The following DHRSX variants were observed in gnomAD, a reference collection of about 807,000 sequenced individuals.
DHRSX encodes dehydrogenase/reductase X-linked.
In DHRSX, 31 loss-of-function variants were observed where a neutral mutation model predicts 34.0. The observed-to-expected ratio is 0.91, with a 90% CI of 0.69 to 1.23. The LOEUF is 1.23. Among genes scored for constraint, DHRSX ranks in the 50% most tolerant of loss-of-function variants. DHRSX has a pLI of 0.00. For missense variants in DHRSX, 414 were observed against 428.1 expected, an observed-to-expected ratio of 0.97 and a Z score of 0.29; for synonymous variants, 201 against 183.8, an observed-to-expected ratio of 1.09 and a Z score of -0.76.
chrX:2,351,308 ATG>A (rs1421954700), intron 3 of DHRSX, among the ~76,000 whole-genome samples: 6 of 152,230 alleles, frequency 3.9e-5, no homozygotes, highest in African/African-American at 1.4e-4. Flanking sequence ...AACATTCAAA[ATG>A]AGACTGGCCA....
chrX:2,226,656 C>A (rs1338658850), intron 6 of DHRSX, among the ~76,000 whole-genome samples: 2 of 149,726 alleles, frequency 1.3e-5, no homozygotes, highest in Non-Finnish European at 3.0e-5. Context: ...AAAAAATTAG[C>A]CGGGCATGGT....
intron 3 of DHRSX, among the ~76,000 whole-genome samples, chrX:2,395,804 G>A (rs2043402210): frequency 6.6e-6 from 1 of 152,086 alleles, no homozygotes; most frequent in African/African-American, 2.4e-5. Flanking sequence ...CTGGGGTCAG[G>A]ACACAGTGTG....
chrX:2,477,020 C>T (rs898773750), intron 1 of DHRSX, among the ~76,000 whole-genome samples: 1 of 151,884 alleles, frequency 6.6e-6, no homozygotes, highest in Non-Finnish European at 1.5e-5. Flanking sequence ...AACAAACAAA[C>T]AAAAAAACAC....
intron 3 of DHRSX, among the ~76,000 whole-genome samples, chrX:2,369,929 C>A (rs2043037488): frequency 6.6e-6 from 1 of 151,956 alleles, no homozygotes; most frequent in Non-Finnish European, 1.5e-5. Context: ...AGGCATGAGC[C>A]CCTGTGCCCG....
chrX:2,328,444 G>A (rs2042416062), intron 3 of DHRSX, among the ~76,000 whole-genome samples: 2 of 151,794 alleles, frequency 1.3e-5, no homozygotes, highest in Non-Finnish European at 2.9e-5. Flanking sequence ...CCCATACCTG[G>A]ATCTCAGACT....
chrX:2,360,428 C>CA (rs1347895838), intron 3 of DHRSX, among the ~76,000 whole-genome samples: 3 of 152,016 alleles, frequency 2.0e-5, no homozygotes, highest in Non-Finnish European at 2.9e-5. Context: ...ACTAAAAATA[C>CA]AAAAATGAGC....
At chrX:2,458,674 CTTCA>C (rs200460086) in intron 1 of DHRSX, among the ~76,000 whole-genome samples, 34,773 of 151,720 alleles carry the variant, frequency 0.23, 4,465 homozygotes, top group African/African-American at 0.32. Flanking sequence ...GGGAAGAATG[CTTCA>C]TGAAGTGTTT....
rs191176462 is a variant in DHRSX, at chrX:2,419,127, C to T, written c.217+6070G>A. On this transcript the variant is annotated intron_variant, in intron 2 of 6. Transcript: ENST00000334651. ...GAATGTTTGTATCCCTCCAAAGTTCCTATGTTGAAATTCTAACATCCCCAG... is the reference window on the plus strand; with the variant it reads ...GAATGTTTGTATCCCTCCAAAGTTCTTATGTTGAAATTCTAACATCCCCAG... Among the ~76,000 whole-genome samples, 70 of 152,296 alleles carry T rather than the reference C, an allele frequency of 4.6e-4. No individual in the cohort carries two copies. In the East Asian group the frequency reaches 8.5e-3, roughly 18 times the overall value.
intron 4 of DHRSX, among the ~76,000 whole-genome samples, chrX:2,289,008 G>C (rs943636242): frequency 6.6e-6 from 1 of 152,144 alleles, no homozygotes; most frequent in Non-Finnish European, 1.5e-5. Context: ...ACTGGTGTTA[G>C]CCTGTATCCA....
chrX:2,433,805 C>T (rs1024423811), intron 1 of DHRSX, among the ~76,000 whole-genome samples: 16 of 152,056 alleles, frequency 1.1e-4, no homozygotes, highest in Non-Finnish European at 1.5e-4. Flanking sequence ...GATGGAGTCT[C>T]GCTCTGTCGC....
At chrX:2,410,654 T>C (rs2043615271) in intron 2 of DHRSX, among the ~76,000 whole-genome samples, 1 of 152,202 alleles carries the variant, frequency 6.6e-6, no homozygotes, top group African/African-American at 2.4e-5. Flanking sequence ...GTTAAGGCCA[T>C]GGGCTCCCAA....
At chrX:2,303,772 A>AATGG (rs1205313955) in intron 3 of DHRSX, among the ~76,000 whole-genome samples, 3 of 61,716 alleles carry the variant, frequency 4.9e-5, no homozygotes, top group East Asian at 4.5e-4. Flanking sequence ...TGGATGGATA[A>AATGG]ATGGATGGAT....
intron 2 of DHRSX, among the ~76,000 whole-genome samples, chrX:2,422,974 T>C (rs1455141576): frequency 6.6e-6 from 1 of 151,810 alleles, no homozygotes; most frequent in African/African-American, 2.4e-5. Context: ...AGCTAATTTT[T>C]GTGTTTTTAG....
chrX:2,243,296 C>T, intron 5 of DHRSX, 66 bp from the exon 6 acceptor site: 1 of 1,452,740 alleles, frequency 6.9e-7, no homozygotes, highest in Non-Finnish European at 9.6e-7. Context: ...TTCATCCCAG[C>T]AGCATCTGTA....
At chrX:2,432,600 G>A (rs2043941162) in intron 1 of DHRSX, among the ~76,000 whole-genome samples, 1 of 152,140 alleles carries the variant, frequency 6.6e-6, no homozygotes, top group Non-Finnish European at 1.5e-5. Flanking sequence ...GCAAAAGATG[G>A]GCGTTTTAAT....
At chrX:2,244,238 T>C (rs2016224713) in intron 5 of DHRSX, among the ~76,000 whole-genome samples, 1 of 152,130 alleles carries the variant, frequency 6.6e-6, no homozygotes. Flanking sequence ...TAGAGAAATG[T>C]TTTAGTATCA....
intron 3 of DHRSX, among the ~76,000 whole-genome samples, chrX:2,324,610 C>T (rs1214971984): frequency 2.6e-5 from 4 of 152,094 alleles, no homozygotes; most frequent in Non-Finnish European, 4.4e-5. Flanking sequence ...ATGTCCTATT[C>T]ACACTGTCTC....
chrX:2,365,582 C>G (rs1163473376), intron 3 of DHRSX, among the ~76,000 whole-genome samples: 1 of 152,126 alleles, frequency 6.6e-6, no homozygotes, highest in Non-Finnish European at 1.5e-5. Flanking sequence ...TAAAATTTTA[C>G]CTTGGGGCTA....
chrX:2,321,782 G>A (rs35314122), intron 3 of DHRSX, among the ~76,000 whole-genome samples: 55,010 of 151,724 alleles, frequency 0.36, 12,362 homozygotes, highest in Non-Finnish European at 0.5. Flanking sequence ...CCACTTCTAC[G>A]GGCATTTTCT....
Sources: allele counts gnomAD v4.1 joint callset (sites outside exome capture counted in the v4.1 genomes callset), GRCh38; gene constraint gnomAD v4.1.1; transcripts MANE v1.5; gene names NCBI Gene and HGNC (gene_info 2026-07-23, HGNC 2026-07-21).